AGBL1: variants seen among roughly 807,000 people sequenced by gnomAD.
The protein encoded by AGBL1 is AGBL carboxypeptidase 1, also known as cytosolic carboxypeptidase 4.
Under a neutral mutation model 118.9 loss-of-function variants are expected in AGBL1, and 130 were observed. The observed-to-expected ratio is 1.09, with a 90% CI of 0.95 to 1.26. The LOEUF is 1.26. Ranked by LOEUF, AGBL1 falls within the 50% of genes most tolerant of loss-of-function variation. The probability of loss-of-function intolerance (pLI) is 0.00; values close to 1 mark genes in which losing one functional copy is unlikely to be tolerated. For synonymous variants in AGBL1, 555 were observed against 478.9 expected, an observed-to-expected ratio of 1.16 and a Z score of -2.08; for missense variants, 1,584 against 1,298.1, an observed-to-expected ratio of 1.22 and a Z score of -3.38.
chr15:86,276,110 A>T (rs942950368), intron 15 of AGBL1, among the ~76,000 whole-genome samples: 1 of 152,210 alleles, frequency 6.6e-6, no homozygotes, highest in African/African-American at 2.4e-5. Flanking sequence ...ATGATATAAA[A>T]GTCATAGTAT....
At chr15:86,917,181 C>T (rs114265986), downstream of AGBL1, among the ~76,000 whole-genome samples, 1,840 of 152,198 alleles carry the variant, frequency 0.012, 35 homozygotes, top group African/African-American at 0.042. The surrounding 1 kb of genome is among the most constrained non-coding windows in gnomAD (Gnocchi z 4.8). Flanking sequence ...GGGGGAGAGG[C>T]GTGGCTGCTC....
intron 18 of AGBL1, among the ~76,000 whole-genome samples, chr15:86,397,785 G>T (rs1392977561): frequency 6.6e-6 from 1 of 152,130 alleles, no homozygotes; most frequent in Non-Finnish European, 1.5e-5. Context: ...CTTGAGACTT[G>T]GACCAGTCTG....
At chr15:86,614,978 C>T (rs2142398168) in intron 21 of AGBL1, among the ~76,000 whole-genome samples, 1 of 152,140 alleles carries the variant, frequency 6.6e-6, no homozygotes. Flanking sequence ...CAAAGTTGTT[C>T]TAAGATGAGC....
At chr15:86,920,709 T>A (rs936219232), downstream of AGBL1, among the ~76,000 whole-genome samples, 152 of 152,340 alleles carry the variant, frequency 1.0e-3, no homozygotes, top group African/African-American at 3.6e-3. Flanking sequence ...AGTATTCTGA[T>A]TTTACATGTG....
chr15:86,794,316 A>C (rs754118876), intron 22 of AGBL1, among the ~76,000 whole-genome samples: 1 of 152,186 alleles, frequency 6.6e-6, no homozygotes, highest in Non-Finnish European at 1.5e-5. Context: ...GTGAACCTCA[A>C]AACCATTATG....
At chr15:86,517,565 C>T (rs1232475307) in intron 18 of AGBL1, among the ~76,000 whole-genome samples, 4 of 152,208 alleles carry the variant, frequency 2.6e-5, no homozygotes, top group Admixed American at 2.6e-4. Flanking sequence ...TTTCCCATTT[C>T]TGGGCTCTGG....
intron 1 of AGBL1, among the ~76,000 whole-genome samples, chr15:86,130,841 C>T (rs1307938540): frequency 6.6e-6 from 1 of 152,086 alleles, no homozygotes; most frequent in Non-Finnish European, 1.5e-5. Context: ...GGTGGTCAGG[C>T]ATTTGGAAAT....
At chr15:86,681,417 T>A (rs1265665138) in intron 22 of AGBL1, among the ~76,000 whole-genome samples, 3 of 152,268 alleles carry the variant, frequency 2.0e-5, no homozygotes, top group African/African-American at 7.2e-5. Context: ...AGATTCCTTT[T>A]TGAAAAACAA....
chr15:86,736,583 A>G lies in AGBL1; in HGVS notation c.3158+62147A>G, dbSNP rs534977988. ...CTATAAGTGATGTCACTGGCATTCA[A>G]GGCTATTCTCATGTAATGTCACAGC... is the stretch of plus-strand genomic sequence containing the variant. On this transcript the variant is annotated intron_variant, in intron 22 of 22. Coordinates refer to ENST00000614907, the MANE Select transcript of AGBL1 (RefSeq NM_001386094.1). Among the ~76,000 whole-genome samples the G allele has an allele frequency of 2.0e-5, 3 of 152,318 alleles. No homozygotes were observed. The South Asian group carries it at 6.2e-4, about 32-fold the overall frequency.
At position 86,453,993 on chromosome 15, in the gene AGBL1, C is replaced by G. The variant is rs148652705; in HGVS notation, c.2555+56447C>G. ...AATTTGCCTTTTTAAGGATAGACTG[C>G]TATTTTTTACTCTTTCTTGTTTTCC... On this transcript the variant is annotated intron_variant, in intron 18 of 22. Coordinates refer to ENST00000614907, the MANE Select transcript of AGBL1 (RefSeq NM_001386094.1). Among the ~76,000 whole-genome samples, 969 of 152,272 alleles carry G rather than the reference C, an allele frequency of 6.4e-3. 9 individuals are homozygous for G. The highest frequency in any genetic ancestry group is 0.01 in the Non-Finnish European group (686 of 68,004).
At chr15:86,752,064 T>A (rs1041609534) in intron 22 of AGBL1, among the ~76,000 whole-genome samples, 1 of 152,096 alleles carries the variant, frequency 6.6e-6, no homozygotes, top group Non-Finnish European at 1.5e-5. Flanking sequence ...TTTCACCTTA[T>A]GTCATTCTGT....
intron 22 of AGBL1, among the ~76,000 whole-genome samples, chr15:86,785,046 C>A (rs1409837609): frequency 7.9e-5 from 12 of 152,236 alleles, no homozygotes; most frequent in African/African-American, 2.9e-4. Flanking sequence ...CTTTCTCGGG[C>A]AAATTCTTAC....
At chr15:86,189,191 T>TA (rs1350696886) in intron 5 of AGBL1, among the ~76,000 whole-genome samples, 6 of 152,192 alleles carry the variant, frequency 3.9e-5, no homozygotes, top group African/African-American at 1.4e-4. Flanking sequence ...CCATTTTCCC[T>TA]GGGGTAGGTT....
At chr15:86,483,364 G>A (rs2082675823) in intron 18 of AGBL1, among the ~76,000 whole-genome samples, 1 of 152,110 alleles carries the variant, frequency 6.6e-6, no homozygotes, top group African/African-American at 2.4e-5. Flanking sequence ...GTTGGTGTCA[G>A]GGGTTTGGTT....
At chr15:86,646,389 C>T (rs1312677218) in intron 21 of AGBL1, among the ~76,000 whole-genome samples, 1 of 152,148 alleles carries the variant, frequency 6.6e-6, no homozygotes, top group Non-Finnish European at 1.5e-5. Flanking sequence ...CAGTCCTTCT[C>T]GAACTTGAGA....
At chr15:86,144,006 C>A (rs559104311) in intron 3 of AGBL1, among the ~76,000 whole-genome samples, 161 bp downstream of exon 3, 5 of 152,240 alleles carry the variant, frequency 3.3e-5, no homozygotes, top group Admixed American at 3.3e-4. Flanking sequence ...ATAGGAGAGG[C>A]CATTTTGTTG....
chr15:86,961,734 A>G (rs7180015), intron 23 of AGBL1, among the ~76,000 whole-genome samples: 15,911 of 152,076 alleles, frequency 0.1, 951 homozygotes, highest in South Asian at 0.24. Flanking sequence ...ATAGACAGGA[A>G]TGAATCTCTA....
At chr15:86,274,363 G>T (rs141117035) in intron 15 of AGBL1, among the ~76,000 whole-genome samples, 3 of 151,920 alleles carry the variant, frequency 2.0e-5, no homozygotes, top group African/African-American at 7.2e-5. Flanking sequence ...TAAGGGTAGG[G>T]GTAGGCTATG....
chr15:86,569,962 C>A lies in AGBL1; in HGVS notation c.2994+15425C>A, dbSNP rs7171385. On this transcript the variant is annotated intron_variant, in intron 21 of 22. Transcript: ENST00000614907. Reference sequence around the variant, plus strand: ...GTTTATCTCTGTAAATCTTACTCTCCCATGTGACTGTTGTAAATGCATAAG... The same window carrying A: ...GTTTATCTCTGTAAATCTTACTCTCACATGTGACTGTTGTAAATGCATAAG... 3.8e-3 allele frequency among the ~76,000 whole-genome samples: 574 copies of A among 152,262 alleles called. 2 individuals carry two copies. Among genetic ancestry groups the A allele is most frequent in the African/African-American group, 0.014 (562 of 41,534 alleles).
Sources: allele counts gnomAD v4.1 joint callset (sites outside exome capture counted in the v4.1 genomes callset), GRCh38; gene constraint gnomAD v4.1.1; non-coding constraint Gnocchi (gnomAD v3.1); transcripts MANE v1.5; gene names NCBI Gene and HGNC (gene_info 2026-07-23, HGNC 2026-07-21).